The following TK2 variants were observed in gnomAD, a reference collection of about 807,000 sequenced individuals.
TK2 encodes thymidine kinase 2.
A neutral mutation model predicts 41.9 loss-of-function variants in TK2; 35 were observed. The ratio of observed to expected loss-of-function variants is 0.84; its 90% CI spans 0.64 to 1.11. The LOEUF is 1.11. TK2 is among the 50% of genes least tolerant of loss of function. The pLI is 0.00. For missense variants in TK2, 320 were observed against 351.1 expected (o/e 0.91, Z 0.71); for synonymous variants, 128 against 129.1 (o/e 0.99, Z 0.06).
intron 2 of TK2, 72 bp from the exon 3 acceptor site, chr16:66,542,025 G>C: frequency 6.6e-7 from 1 of 1,505,660 alleles, no homozygotes; most frequent in Non-Finnish European, 9.2e-7. Context: ...TAATGGCTAC[G>C]GAAAGGGCTC....
At chr16:66,528,524 G>C (rs1567532078) in intron 6 of TK2, among the ~76,000 whole-genome samples, 1 of 152,208 alleles carries the variant, frequency 6.6e-6, no homozygotes, top group African/African-American at 2.4e-5. Context: ...GGGCTCATGT[G>C]ACCATGTGAT....
At chr16:66,550,243 G>T, upstream of TK2, 1 of 1,605,236 alleles carries the variant, frequency 6.2e-7, no homozygotes. Context: ...CTGGCAGCCA[G>T]AAGCCTTACC....
chr16:66,539,550 G>A (rs1013084719), intron 3 of TK2, among the ~76,000 whole-genome samples: 4 of 144,324 alleles, frequency 2.8e-5, no homozygotes, highest in East Asian at 2.1e-4. Context: ...GCAGTGAGCC[G>A]AGATCATGCC....
chr16:66,529,295 C>G (rs548181858), intron 5 of TK2, among the ~76,000 whole-genome samples: 21 of 152,354 alleles, frequency 1.4e-4, no homozygotes, highest in Admixed American at 1.3e-3. Context: ...CTGCCCCACA[C>G]CCCAAAGCTG....
intron 6 of TK2, among the ~76,000 whole-genome samples, chr16:66,525,647 G>A (rs1964909068): frequency 6.6e-6 from 1 of 152,152 alleles, no homozygotes; most frequent in Non-Finnish European, 1.5e-5. Context: ...GTAGCCTCTG[G>A]AGTGCCCGAG....
At chr16:66,546,986 C>G (rs1965629215) in intron 2 of TK2, among the ~76,000 whole-genome samples, 1 of 152,162 alleles carries the variant, frequency 6.6e-6, no homozygotes, top group Admixed American at 6.5e-5. Flanking sequence ...CTCCTGAGCT[C>G]AAGCAATCCT....
intron 6 of TK2, among the ~76,000 whole-genome samples, chr16:66,523,355 G>A (rs1331751865): frequency 1.3e-5 from 2 of 152,180 alleles, no homozygotes; most frequent in South Asian, 2.1e-4. Context: ...GGCAGGAGCT[G>A]ACGCCCCACA....
intron 2 of TK2, among the ~76,000 whole-genome samples, chr16:66,544,141 C>T (rs536793573): frequency 2.0e-5 from 3 of 152,266 alleles, no homozygotes; most frequent in Non-Finnish European, 4.4e-5. Context: ...GCATGAAATC[C>T]TGAAGAGCTG....
intron 2 of TK2, among the ~76,000 whole-genome samples, chr16:66,542,729 T>C (rs1010078365): frequency 2.0e-5 from 3 of 152,170 alleles, no homozygotes; most frequent in African/African-American, 7.2e-5. Context: ...GTAACTCATC[T>C]TAGGGAGAGA....
chr16:66,549,003 T>C lies in TK2; in HGVS notation c.131A>G (p.Glu44Gly), dbSNP rs775941194. The C allele has an allele frequency of 9.3e-6, 15 of 1,613,892 alleles. No homozygotes were observed. Among genetic ancestry groups the C allele is most frequent in the Non-Finnish European group, 1.1e-5 (13 of 1,179,764 alleles). Residue 44 changes from glutamate (E) to glycine (G), a missense_variant, in exon 2 of 10, where the codon GAA (glutamate) becomes GGA (glycine). Coordinates refer to ENST00000544898, the MANE Select transcript of TK2 (RefSeq NM_004614.5). ...VQRRAWPPDK[E>G]QEKEKKSVIC... ...CACTGATTTTTTCTCTTTTTCCTGT[T>C]CTTTATCTACAAAAGAAAGGAAATC...
chr16:66,532,993 G>A (rs1440187004), intron 4 of TK2, among the ~76,000 whole-genome samples: 1 of 151,996 alleles, frequency 6.6e-6, no homozygotes, highest in East Asian at 1.9e-4. Flanking sequence ...CTCTATAGTA[G>A]CTGTACTAAT....
In TK2 at chr16:66,531,479, G is replaced by A; in HGVS notation, c.286-10C>T. ...CGTGGTACATCAGGCCCTGCAGAAG[G>A]GAAAACACAGCACTTTCCATCAAAG... On this transcript the variant is annotated splice_polypyrimidine_tract_variant and intron_variant, in intron 4 of 9. Transcript: ENST00000544898. 6.2e-7 allele frequency: 1 copy of A among 1,613,844 alleles called. No individual in the cohort carries two copies. Among genetic ancestry groups the A allele is most frequent in the African/African-American group, 1.3e-5 (1 of 75,006 alleles).
chr16:66,545,255 G>A (rs576532471), intron 2 of TK2, among the ~76,000 whole-genome samples: 8 of 152,218 alleles, frequency 5.3e-5, no homozygotes, highest in South Asian at 2.1e-4. Flanking sequence ...AAAATCACTC[G>A]TAAATCTCAG....
At chr16:66,540,127 T>C (rs1937994232) in intron 3 of TK2, among the ~76,000 whole-genome samples, 2 of 152,110 alleles carry the variant, frequency 1.3e-5, no homozygotes. Context: ...ATGTTTATTA[T>C]TATTTTTATC....
At chr16:66,532,633 T>A (rs1392520982) in intron 4 of TK2, among the ~76,000 whole-genome samples, 1 of 151,324 alleles carries the variant, frequency 6.6e-6, no homozygotes, top group African/African-American at 2.4e-5. Flanking sequence ...ATTAATTAAT[T>A]AATAAAAGTA....
At chr16:66,538,191 C>G (rs536381960) in intron 3 of TK2, among the ~76,000 whole-genome samples, 2 of 151,930 alleles carry the variant, frequency 1.3e-5, no homozygotes, top group African/African-American at 2.4e-5. Context: ...AATCACCCCC[C>G]ACCCTTCACT....
chr16:66,518,702 A>G (rs1457605511), intron 6 of TK2, among the ~76,000 whole-genome samples: 1 of 152,226 alleles, frequency 6.6e-6, no homozygotes, highest in African/African-American at 2.4e-5. Context: ...TTTCAAATCT[A>G]ATGTTCAGTG....
chr16:66,542,198 A>G (rs1597106593), intron 2 of TK2, among the ~76,000 whole-genome samples: 1 of 151,794 alleles, frequency 6.6e-6, no homozygotes, highest in African/African-American at 2.4e-5. Flanking sequence ...CTTTACGTCA[A>G]CTCCTAAACC....
chr16:66,516,595 G>A (rs1027208140), intron 8 of TK2, among the ~76,000 whole-genome samples: 3 of 152,150 alleles, frequency 2.0e-5, no homozygotes, highest in Admixed American at 6.5e-5. Context: ...TGCACAGCCC[G>A]GGCCTATACT....
Sources: gnomAD v4.1 joint callset for allele counts (sites outside exome capture counted in the v4.1 genomes callset) on GRCh38, gnomAD v4.1.1 for gene constraint, MANE v1.5 for transcripts, NCBI Gene and HGNC (gene_info 2026-07-23, HGNC 2026-07-21) for gene names.